Variants in FBXL2 observed in about 807,000 individuals in gnomAD.
The protein encoded by FBXL2 is F-box/LRR-repeat protein 2.
Under a neutral mutation model 69.2 loss-of-function variants are expected in FBXL2, and 38 were observed. The observed-to-expected ratio is 0.55, with a 90% CI of 0.42 to 0.72. FBXL2 has a LOEUF of 0.72. FBXL2 is among the 30% of genes least tolerant of loss of function. FBXL2 has a pLI of 0.00. For synonymous variants in FBXL2, 192 were observed against 201.3 expected, an observed-to-expected ratio of 0.95 and a Z score of 0.39; for missense variants, 354 against 520.3, an observed-to-expected ratio of 0.68 and a Z score of 3.11.
At chr3:33,392,321 G>C (rs891823459), downstream of FBXL2, 1 of 413,728 alleles carries the variant, frequency 2.4e-6, no homozygotes, top group Non-Finnish European at 4.3e-6. Context: ...GACACAAAGT[G>C]CTCAGTAAGA....
intron 13 of FBXL2, 119 bp from the exon 14 acceptor site, chr3:33,383,870 C>A: frequency 1.2e-6 from 1 of 821,324 alleles, no homozygotes; most frequent in Non-Finnish European, 2.0e-6. Flanking sequence ...CTGCTGAGGG[C>A]ATTCTTGCTG....
chr3:33,339,856 T>G (rs2039885542), intron 2 of FBXL2, among the ~76,000 whole-genome samples: 1 of 152,204 alleles, frequency 6.6e-6, no homozygotes. Context: ...TTGCTCATAA[T>G]AGCTAAAAGT....
At chr3:33,392,714 A>G (rs1426275280), downstream of FBXL2, 47 of 1,105,658 alleles carry the variant, frequency 4.3e-5, no homozygotes, top group Non-Finnish European at 5.9e-5. Flanking sequence ...CAAACACAGG[A>G]CTCAATGGCC....
At chr3:33,345,861 C>T (rs927990118) in intron 2 of FBXL2, among the ~76,000 whole-genome samples, 1 of 152,138 alleles carries the variant, frequency 6.6e-6, no homozygotes, top group Non-Finnish European at 1.5e-5. Context: ...ACTTACCAAA[C>T]TTTGTAGGAA....
intron 1 of FBXL2, among the ~76,000 whole-genome samples, chr3:33,280,480 G>T (rs1419845022): frequency 6.6e-6 from 1 of 152,136 alleles, no homozygotes; most frequent in Non-Finnish European, 1.5e-5. Flanking sequence ...AGGCTGAGAT[G>T]GGAGGACTGC....
intron 2 of FBXL2, among the ~76,000 whole-genome samples, chr3:33,315,332 C>T (rs9876274): frequency 7.3e-6 from 1 of 136,140 alleles, no homozygotes; most frequent in Non-Finnish European, 1.6e-5. Context: ...TACTTTCTTT[C>T]TTTCTTTTGC....
rs138762064 is a variant in FBXL2, at chr3:33,387,618, AAAACAAAC to A, written c.*2022_*2029del. On this transcript the variant is annotated 3_prime_UTR_variant, in exon 15 of 15. Transcript: ENST00000484457. ...TGAGACTCCATCATCATCTCAAAACAAAACAAACAAACAAACAAAACAAACCACCAGAG... is the reference window on the plus strand; with the variant it reads ...TGAGACTCCATCATCATCTCAAAACAAAACAAACAAAACAAACCACCAGAG... 94 of 150,406 alleles carry A rather than the reference AAAACAAAC, an allele frequency of 6.2e-4. 4 individuals carry two copies. The highest frequency in any genetic ancestry group is 5.4e-3 in the Admixed American group (82 of 15,156). The allele number at this position is 150,406 out of a possible 1,614,324, so 9.3% of individuals were successfully genotyped here. A position where few individuals can be genotyped will look rare whatever the true frequency, so the allele number is the denominator to read the frequency against.
Position 33,364,632 on chromosome 3 carries a change from T to A in FBXL2, c.203T>A (p.Val68Glu). 1 of 1,613,962 alleles carries A rather than the reference T, an allele frequency of 6.2e-7. No homozygotes were observed. Among genetic ancestry groups the A allele is most frequent in the Non-Finnish European group, 8.5e-7 (1 of 1,179,914 alleles). ...FNFQTDVEGRVVENISKRCGG... is the reference protein window; with the variant it reads ...FNFQTDVEGREVENISKRCGG... ...GAACTTTCTTGATTAAAGGGTCGAGTGGTGGAAAATATCTCGAAGCGATGC... is the reference window on the plus strand; with the variant it reads ...GAACTTTCTTGATTAAAGGGTCGAGAGGTGGAAAATATCTCGAAGCGATGC... Residue 68 changes from valine (V) to glutamate (E), a missense_variant, in exon 5 of 15, where the codon GTG becomes GAG. Transcript: ENST00000484457.
At chr3:33,314,362 TCTC>T (rs2037484108) in intron 2 of FBXL2, among the ~76,000 whole-genome samples, 1 of 152,162 alleles carries the variant, frequency 6.6e-6, no homozygotes, top group Admixed American at 6.5e-5. Context: ...ACTGTTCTAC[TCTC>T]CTCTTCTATG....
intron 12 of FBXL2, chr3:33,402,723 C>G: frequency 7.7e-6 from 8 of 1,038,776 alleles, no homozygotes; most frequent in Non-Finnish European, 1.1e-5. Context: ...CAAAAGGCTG[C>G]TGTACATGGA....
intron 2 of FBXL2, among the ~76,000 whole-genome samples, chr3:33,346,340 T>C (rs998547434): frequency 6.6e-6 from 1 of 152,004 alleles, no homozygotes; most frequent in Non-Finnish European, 1.5e-5. Context: ...AATAATGGGC[T>C]GAGGCAGGAG....
At chr3:33,378,610 G>A (rs976780233) in intron 12 of FBXL2, 75 bp from the exon 13 acceptor site, 20 of 1,422,686 alleles carry the variant, frequency 1.4e-5, no homozygotes, top group Admixed American at 6.4e-5. Context: ...TTTGATTCTC[G>A]TGTTCAGGAG....
intron 2 of FBXL2, chr3:33,317,425 C>T (rs977291721): frequency 6.6e-6 from 3 of 456,244 alleles, no homozygotes; most frequent in South Asian, 4.7e-5. Context: ...GGATGTGGTA[C>T]TTAATGGTTT....
At chr3:33,372,980 C>T (rs918489273) in intron 5 of FBXL2, 112 bp from the exon 6 acceptor site, 3 of 876,644 alleles carry the variant, frequency 3.4e-6, no homozygotes, top group East Asian at 2.4e-5. Context: ...CTGATTGTTA[C>T]GCGCTTTAAT....
rs144484267 is a variant in FBXL2 at position 33,384,721 on chromosome 3, GTC to G, written c.1164+522_1164+523del. Among the ~76,000 whole-genome samples the G allele has an allele frequency of 8.8e-3, 1,335 of 152,130 alleles. 14 individuals carry two copies. The highest frequency in any genetic ancestry group is 0.023 in the South Asian group (109 of 4,818). ...GGGTCTGGGCTGGAGATTCCACATA[GTC>G]TGGTGATCGTAGCCCTTATAAGAAA... On this transcript the variant is annotated intron_variant, in intron 14 of 14. Transcript: ENST00000484457.
intron 2 of FBXL2, 125 bp from the exon 3 acceptor site, chr3:33,358,842 T>C (rs2041404339): frequency 1.9e-6 from 1 of 521,360 alleles, no homozygotes; most frequent in African/African-American, 1.9e-5. Context: ...CTTGTATATT[T>C]CAGATTGAGG....
At chr3:33,360,918 CTTTTTTTTT>C (rs58912118) in intron 4 of FBXL2, among the ~76,000 whole-genome samples, 9 of 57,124 alleles carry the variant, frequency 1.6e-4, no homozygotes, top group South Asian at 1.7e-3. Flanking sequence ...ACATGAAGAA[CTTTTTTTTT>C]TTTTTTTTTT....
chr3:33,363,939 A>G (rs1462802662), intron 4 of FBXL2, among the ~76,000 whole-genome samples: 3 of 152,116 alleles, frequency 2.0e-5, no homozygotes, highest in African/African-American at 7.2e-5. Flanking sequence ...CTATACTCCA[A>G]TCTGGGCACC....
At chr3:33,315,214 C>T (rs1304861165) in intron 2 of FBXL2, among the ~76,000 whole-genome samples, 1 of 151,376 alleles carries the variant, frequency 6.6e-6, no homozygotes, top group East Asian at 1.9e-4. Flanking sequence ...TTTTCTTTCT[C>T]CTTTCCTTTC....
Sources: allele counts gnomAD v4.1 joint callset (sites outside exome capture counted in the v4.1 genomes callset), GRCh38; gene constraint gnomAD v4.1.1; transcripts MANE v1.5; gene names NCBI Gene and HGNC (gene_info 2026-07-23, HGNC 2026-07-21).